The following JMJD6 variants were observed in gnomAD, a reference collection of about 807,000 sequenced individuals.
JMJD6 encodes jumonji domain containing 6, arginine demethylase and lysine hydroxylase, also known as bifunctional arginine demethylase and lysyl-hydroxylase JMJD6.
Under a neutral mutation model 45.8 loss-of-function variants are expected in JMJD6, and 17 were observed. That is an observed-to-expected ratio of 0.37 (90% CI 0.25 to 0.56). The LOEUF is 0.56. Among genes scored for constraint, JMJD6 ranks in the 20% least tolerant of loss-of-function variants. The probability of loss-of-function intolerance (pLI) is 0.79; values close to 1 mark genes in which losing one functional copy is unlikely to be tolerated. For synonymous variants in JMJD6, 221 were observed against 196.3 expected (o/e 1.13, Z -1.05); for missense variants, 470 against 517.5 (o/e 0.91, Z 0.89).
chr17:76,713,711 C>T (rs1324697390), downstream of JMJD6: 1 of 152,168 alleles, frequency 6.6e-6, no homozygotes, highest in African/African-American at 2.4e-5. Context: ...GTCCTAAATC[C>T]AAGGCTCAGT....
At chr17:76,716,428 G>A (rs527356716), downstream of JMJD6, 1 of 483,206 alleles carries the variant, frequency 2.1e-6, no homozygotes, top group South Asian at 2.5e-5. Context: ...CAATGAGACA[G>A]CACAGAACCT....
downstream of JMJD6, among the ~76,000 whole-genome samples, chr17:76,717,376 C>A (rs1050549492): frequency 6.6e-6 from 1 of 152,302 alleles, no homozygotes; most frequent in South Asian, 2.1e-4. Context: ...TATCTTCCAA[C>A]AACCTCTCTT....
At chr17:76,716,784 G>T, downstream of JMJD6, 2 of 1,584,206 alleles carry the variant, frequency 1.3e-6, no homozygotes, top group Non-Finnish European at 1.7e-6. Context: ...GTACAAAGCT[G>T]GAAGGCAATG....
intron 5 of JMJD6, among the ~76,000 whole-genome samples, chr17:76,720,017 C>A (rs1192112319): frequency 6.6e-6 from 1 of 152,028 alleles, no homozygotes; most frequent in Non-Finnish European, 1.5e-5. Flanking sequence ...TGGTGGCATG[C>A]GCCTGTAATC....
chr17:76,726,276 G>A (rs999525654), intron 1 of JMJD6, 71 bp downstream of exon 1: 7 of 1,494,922 alleles, frequency 4.7e-6, no homozygotes, highest in Admixed American at 2.3e-5. Context: ...GCAGCCTCGG[G>A]CCCAGAGAAA....
chr17:76,717,911 A>G (rs2076778117), downstream of JMJD6, among the ~76,000 whole-genome samples: 1 of 151,922 alleles, frequency 6.6e-6, no homozygotes, highest in African/African-American at 2.4e-5. Context: ...AAATTGCTTG[A>G]ACCTGGGAGG....
chr17:76,721,403 C>A (rs1320815137), intron 4 of JMJD6: 3 of 362,192 alleles, frequency 8.3e-6, no homozygotes, highest in Non-Finnish European at 1.2e-5. Context: ...TCACCTCACT[C>A]ACAAGAACTG....
chr17:76,714,337 T>G (rs988142049), downstream of JMJD6: 18 of 152,254 alleles, frequency 1.2e-4, no homozygotes, highest in Admixed American at 1.2e-3. Context: ...AGATCTGCTG[T>G]CATCTTGGAG....
chr17:76,722,077 G>C, intron 3 of JMJD6, 144 bp from the exon 4 acceptor site: 1 of 830,092 alleles, frequency 1.2e-6, no homozygotes. Flanking sequence ...CTGATCCAGG[G>C]ATTGCAAACA....
intron 4 of JMJD6, chr17:76,721,205 T>C (rs1360397157): frequency 9.7e-6 from 3 of 308,848 alleles, no homozygotes; most frequent in Non-Finnish European, 2.1e-5. Context: ...GCCACCACCC[T>C]TACTGGCCCT....
intron 2 of JMJD6, among the ~76,000 whole-genome samples, chr17:76,724,528 G>A (rs1258498541): frequency 6.6e-6 from 1 of 151,990 alleles, no homozygotes; most frequent in Non-Finnish European, 1.5e-5. Flanking sequence ...AACAAAATAA[G>A]AAAAATCAGC....
At chr17:76,720,650 C>A in intron 4 of JMJD6, 152 bp from the exon 5 acceptor site, 1 of 678,768 alleles carries the variant, frequency 1.5e-6, no homozygotes, top group East Asian at 2.6e-5. Flanking sequence ...GAGGACAAAA[C>A]CCCAGGCTGG....
intron 2 of JMJD6, among the ~76,000 whole-genome samples, chr17:76,725,177 G>T (rs8071014): frequency 0.81 from 123,546 of 152,060 alleles, 52,702 homozygotes; most frequent in Non-Finnish European, 0.93. Flanking sequence ...GGGAGGCCGA[G>T]GCGGGCAGAT....
At chr17:76,716,368 CGT>C (rs2076764395), downstream of JMJD6, 1 of 312,108 alleles carries the variant, frequency 3.2e-6, no homozygotes, top group Non-Finnish European at 6.1e-6. Flanking sequence ...AGACACAAGA[CGT>C]TACAAGGATC....
chr17:76,716,108 A>C (rs1041036949), downstream of JMJD6: 1 of 152,694 alleles, frequency 6.5e-6, no homozygotes, highest in Non-Finnish European at 1.5e-5. Context: ...AACACCCCTG[A>C]AATTTCAGTC....
chr17:76,715,840 T>C (rs2076759888), downstream of JMJD6: 1 of 152,264 alleles, frequency 6.6e-6, no homozygotes, highest in Non-Finnish European at 1.5e-5. Flanking sequence ...CTGCAAAGAC[T>C]ACAGGTGCCA....
chr17:76,725,599 G>A lies in JMJD6; in HGVS notation c.386C>T (p.Pro129Leu), dbSNP rs369981508. The change falls in exon 2 of 6, where the codon CCC becomes CTC. Residue 129 changes from proline to leucine, a missense_variant. Transcript: ENST00000397625. ...ATAGCTGCTGTCAAAGATGTAAAGG[G>A]GACTATCATCTCGAGTGCTCTCCAT... is the stretch of plus-strand genomic sequence containing the variant. ...EYMESTRDDS[P>L]LYIFDSSYGE... The A allele has an allele frequency of 1.2e-6, 2 of 1,613,852 alleles. No homozygotes were observed. Among genetic ancestry groups the A allele is most frequent in the Non-Finnish European group, 1.7e-6 (2 of 1,179,972 alleles).
At chr17:76,719,964 G>C (rs1287266274) in intron 5 of JMJD6, among the ~76,000 whole-genome samples, 1 of 152,140 alleles carries the variant, frequency 6.6e-6, no homozygotes. Flanking sequence ...GAAGTATACA[G>C]AGTTTATAGT....
At chr17:76,716,570 A>G, downstream of JMJD6, 1 of 919,646 alleles carries the variant, frequency 1.1e-6, no homozygotes, top group Non-Finnish European at 1.8e-6. Context: ...CAGGGAAGGA[A>G]TATCCAAATT....
Sources: gnomAD v4.1 joint callset for allele counts (sites outside exome capture counted in the v4.1 genomes callset) on GRCh38, gnomAD v4.1.1 for gene constraint, MANE v1.5 for transcripts, NCBI Gene and HGNC (gene_info 2026-07-23, HGNC 2026-07-21) for gene names.